Variants in RPLP0 observed in about 807,000 individuals in gnomAD.
RPLP0 encodes ribosomal protein lateral stalk subunit P0.
For missense variants in RPLP0, 276 were observed against 402.9 expected (o/e 0.69, Z 2.70); for synonymous variants, 137 against 153.4 (o/e 0.89, Z 0.79).
Position 120,197,313 on chromosome 12 carries a change from T to A in RPLP0, c.792+9A>T. On this transcript the variant is annotated intron_variant, in intron 7 of 7. Transcript: ENST00000392514. ...CAGGCCCACTGTGGTCCTGGTGGGA[T>A]CCTTTTACCTTTTCAGCAAGTGGGA... 1.2e-6 allele frequency: 2 copies of A among 1,613,534 alleles called. No individual in the cohort carries two copies. The highest frequency in any genetic ancestry group is 2.2e-5 in the South Asian group (2 of 91,056).
In RPLP0 at chr12:120,198,318, A is replaced by G; in HGVS notation, c.651+236T>C. 1 of 491,432 alleles carries G rather than the reference A, an allele frequency of 2.0e-6. No individual in the cohort carries two copies. The highest frequency in any genetic ancestry group is 3.7e-5 in the East Asian group (1 of 26,850). 30.4% of individuals were successfully genotyped at this position (491,432 alleles called of 1,614,324 possible). A position where few individuals can be genotyped will look rare whatever the true frequency, so the allele number is the denominator to read the frequency against. On this transcript the variant is annotated intron_variant, in intron 6 of 7. Coordinates refer to ENST00000392514, the MANE Select transcript of RPLP0 (RefSeq NM_001002.4). The surrounding 1 kb of genome is among the most constrained non-coding windows in gnomAD (Gnocchi z 4.1). ...GAGAATGGTGTGAACCCGGAGGCGGAGCTTGCAGTGAGCCGGGAGATTGTG... is the reference window on the plus strand; with the variant it reads ...GAGAATGGTGTGAACCCGGAGGCGGGGCTTGCAGTGAGCCGGGAGATTGTG...
rs1042778216 is a variant in RPLP0 at position 120,196,811 on chromosome 12, C to A, written c.916G>T (p.Glu306Ter). 1 of 1,598,988 alleles carries A rather than the reference C, an allele frequency of 6.3e-7. No homozygotes were observed. The highest frequency in any genetic ancestry group is 1.3e-5 in the African/African-American group (1 of 74,658). Residue 306 changes from glutamate to a stop codon, truncating the protein, a stop_gained, in exon 8 of 8, where the codon GAG (glutamate) becomes TAG (stop). Transcript: ENST00000392514. LOFTEE classifies it high-confidence loss of function. ...AKVEAKEESEESDEDMGFGLF... is the reference protein window; with the variant it reads ...AKVEAKEESE ...CCAAATCCCATATCCTCGTCCGACTCCTCCGACTCTTCCTTGGCTTCAACC... is the reference window on the plus strand; with the variant it reads ...CCAAATCCCATATCCTCGTCCGACTACTCCGACTCTTCCTTGGCTTCAACC...
At position 120,197,346 on chromosome 12, in the gene RPLP0, A is replaced by T. The variant is rs755595811; in HGVS notation, c.768T>A (p.Asp256Glu). 1 of 1,613,796 alleles carries T rather than the reference A, an allele frequency of 6.2e-7. No individual in the cohort carries two copies. Among genetic ancestry groups the T allele is most frequent in the African/African-American group, 1.3e-5 (1 of 74,918 alleles). ...CCTTTTCAGCAAGTGGGAAGGTGTA[A>T]TCCGTCTCCACAGACAAGGCCAGGA... ...KRVLALSVET[D>E]YTFPLAEKVK... The change falls in exon 7 of 8, where the codon GAT becomes GAA. Residue 256 changes from aspartate (D) to glutamate (E), a missense_variant. Physicochemically the swap from Asp to Glu is conservative, Grantham distance 45. Coordinates refer to ENST00000392514, the MANE Select transcript of RPLP0 (RefSeq NM_001002.4).
intron 2 of RPLP0, 157 bp from the exon 3 acceptor site, chr12:120,199,642 A>ATCATCCAGTTTGGC: frequency 1.5e-6 from 1 of 683,170 alleles, no homozygotes; most frequent in Non-Finnish European, 2.4e-6. Flanking sequence ...AACACTGCCA[A>ATCATCCAGTTTGGC]ACTGGATGAT....
At chr12:120,197,291 G>A in intron 7 of RPLP0, 31 bp downstream of exon 7, 1 of 1,599,524 alleles carries the variant, frequency 6.3e-7, no homozygotes, top group Non-Finnish European at 8.6e-7. Flanking sequence ...TCACAGTCAG[G>A]CCCACTGTGG....
chr12:120,199,005 C>G lies in RPLP0; in HGVS notation c.319-5G>C, dbSNP rs372511722. ...AGCACGGGCAGCAGCTGGCACCTGA[C>G]AAAGACAACAAACAGTGAGAAAAGC... is the stretch of plus-strand genomic sequence containing the variant. On this transcript the variant is annotated splice_region_variant and splice_polypyrimidine_tract_variant and intron_variant, in intron 4 of 7. Transcript: ENST00000392514. 6.2e-7 allele frequency: 1 copy of G among 1,613,992 alleles called. No individual in the cohort carries two copies. Among genetic ancestry groups the G allele is most frequent in the Non-Finnish European group, 8.5e-7 (1 of 1,180,006 alleles).
Position 120,198,055 on chromosome 12 carries a change from T to C in RPLP0, c.651+499A>G, listed in dbSNP as rs1396695114. Among the ~76,000 whole-genome samples the C allele has an allele frequency of 1.3e-5, 2 of 151,938 alleles. No individual in the cohort carries two copies. The highest frequency in any genetic ancestry group is 2.9e-5 in the Non-Finnish European group (2 of 67,992). On this transcript the variant is annotated intron_variant, in intron 6 of 7. Transcript: ENST00000392514. The surrounding 1 kb of genome is among the most constrained non-coding windows in gnomAD (Gnocchi z 4.1). ...TTTGATGGCAAAATGTGAGTCTCAA[T>C]GCAGGCCCTAGAATAACAGCCCCAG... is the stretch of plus-strand genomic sequence containing the variant.
At chr12:120,200,709 G>A (rs1325766307) in intron 2 of RPLP0, 21 bp downstream of exon 2, 4 of 1,605,626 alleles carry the variant, frequency 2.5e-6, no homozygotes, top group East Asian at 2.2e-5. Flanking sequence ...GAAGAGCAGA[G>A]GCGACCCACC....
In RPLP0 at chr12:120,196,735, T is replaced by A. The variant is rs1879195325; in HGVS notation, c.*38A>T. The A allele has an allele frequency of 6.5e-7, 1 of 1,526,856 alleles. No individual in the cohort carries two copies. Among genetic ancestry groups the A allele is most frequent in the Non-Finnish European group, 8.8e-7 (1 of 1,136,518 alleles). 94.6% of individuals were successfully genotyped at this position (1,526,856 alleles called of 1,614,324 possible). A position where few individuals can be genotyped will look rare whatever the true frequency, so the allele number is the denominator to read the frequency against. On this transcript the variant is annotated 3_prime_UTR_variant, in exon 8 of 8. Coordinates refer to ENST00000392514, the MANE Select transcript of RPLP0 (RefSeq NM_001002.4). Reference sequence around the variant, plus strand: ...GAAGTAAGCCTTTATTTCCTTGTTTTGCAAATAAAACTGGCTAAGTTGGTT... The same window carrying A: ...GAAGTAAGCCTTTATTTCCTTGTTTAGCAAATAAAACTGGCTAAGTTGGTT...
In RPLP0 at chr12:120,196,917, A is replaced by G; in HGVS notation, c.810T>C (p.Ala270=). The change falls in exon 8 of 8, where the codon GCT becomes GCC. Residue 270 remains alanine, a synonymous_variant. Coordinates refer to ENST00000392514, the MANE Select transcript of RPLP0 (RefSeq NM_001002.4). ...CAGCAGCCACAAAGGCAGATGGATC[A>G]GCCAAGAAGGCCTTGACCTGAAAGG... ...PLAEKVKAFL[A]DPSAFVAAAP... is the part of the protein sequence containing the mutation. 6.2e-7 allele frequency: 1 copy of G among 1,613,374 alleles called. No homozygotes were observed. Among genetic ancestry groups the G allele is most frequent in the Non-Finnish European group, 8.5e-7 (1 of 1,180,000 alleles).
intron 2 of RPLP0, chr12:120,199,905 C>A: frequency 5.0e-6 from 2 of 402,350 alleles, no homozygotes; most frequent in South Asian, 3.5e-5. Context: ...GCGTGTTTAT[C>A]CGGATTGTTA....
In RPLP0 at chr12:120,198,442, G is replaced by T. The variant is rs1879271037; in HGVS notation, c.651+112C>A. 3 of 1,087,666 alleles carry T rather than the reference G, an allele frequency of 2.8e-6. No individual in the cohort carries two copies. Among genetic ancestry groups the T allele is most frequent in the Non-Finnish European group, 2.7e-6 (2 of 733,232 alleles). 67.4% of individuals were successfully genotyped at this position (1,087,666 alleles called of 1,614,324 possible). On this transcript the variant is annotated intron_variant, in intron 6 of 7. Transcript: ENST00000392514. This position sits in a 1 kb window ranked among gnomAD's most constrained non-coding sequence, Gnocchi z 4.1. ...CTTATGTTGTTACTGACATTTTACA[G>T]ATGAGGTAGGTAGACAGATGAAAAC... is the stretch of plus-strand genomic sequence containing the variant.
chr12:120,197,584 G>A (rs1415088837), intron 6 of RPLP0, 122 bp from the exon 7 acceptor site: 2 of 1,171,848 alleles, frequency 1.7e-6, no homozygotes, highest in South Asian at 1.4e-5. Flanking sequence ...AGTCTCAAGA[G>A]AGGCCATTTC....
rs1879289417 is a variant in RPLP0 at position 120,198,856 on chromosome 12, G to A, written c.463C>T (p.Leu155=). The A allele has an allele frequency of 1.2e-6, 2 of 1,614,120 alleles. No individual in the cohort carries two copies. The highest frequency in any genetic ancestry group is 8.5e-7 in the Non-Finnish European group (1 of 1,179,994). The part of the protein sequence containing the change: ...TKISRGTIEI[L]SDVQLIKTGD... ...ACAGGCAAACCAGGTCCACTCACCAGGATTTCAATGGTGCCCCTGGAGATT... is the reference window on the plus strand; with the variant it reads ...ACAGGCAAACCAGGTCCACTCACCAAGATTTCAATGGTGCCCCTGGAGATT... The change falls in exon 5 of 8, where the codon CTG becomes TTG. Residue 155 remains leucine (L), a splice_region_variant and synonymous_variant. Transcript: ENST00000392514. The surrounding 1 kb of genome is among the most constrained non-coding windows in gnomAD (Gnocchi z 4.1).
At position 120,198,454 on chromosome 12, in the gene RPLP0, A is replaced by T; in HGVS notation, c.651+100T>A. On this transcript the variant is annotated intron_variant, in intron 6 of 7. Transcript: ENST00000392514. The surrounding 1 kb of genome is among the most constrained non-coding windows in gnomAD (Gnocchi z 4.1). ...CTGACATTTTACAGATGAGGTAGGT[A>T]GACAGATGAAAACACAGTCCTTGGT... 8.0e-7 allele frequency: 1 copy of T among 1,246,934 alleles called. No individual in the cohort carries two copies. Among genetic ancestry groups the T allele is most frequent in the Non-Finnish European group, 1.2e-6 (1 of 860,296 alleles). The allele number at this position is 1,246,934 out of a possible 1,614,324, so 77.2% of individuals were successfully genotyped here. A position where few individuals can be genotyped will look rare whatever the true frequency, so the allele number is the denominator to read the frequency against.
At position 120,197,124 on chromosome 12, in the gene RPLP0, C is replaced by A. The variant is rs558938908; in HGVS notation, c.793-190G>T. The A allele has an allele frequency of 1.1e-5, 12 of 1,058,366 alleles. No homozygotes were observed. In the South Asian group the frequency reaches 1.8e-4, roughly 16 times the overall value. 65.6% of individuals were successfully genotyped at this position (1,058,366 alleles called of 1,614,324 possible). ...CAGGGTTCCTAAGGCCCAGCTCTTGCCCATTAACCCCCTCTTTGGGTCTCT... is the reference window on the plus strand; with the variant it reads ...CAGGGTTCCTAAGGCCCAGCTCTTGACCATTAACCCCCTCTTTGGGTCTCT... On this transcript the variant is annotated intron_variant, in intron 7 of 7. Transcript: ENST00000392514.
intron 7 of RPLP0, 174 bp from the exon 8 acceptor site, chr12:120,197,108 TA>T: frequency 8.4e-7 from 1 of 1,184,008 alleles, no homozygotes; most frequent in Non-Finnish European, 1.2e-6. Context: ...GCAGGGTTCC[TA>T]AGGCCCAGCT....
intron 2 of RPLP0, chr12:120,200,136 T>C (rs1382289933): frequency 6.6e-6 from 3 of 455,890 alleles, no homozygotes; most frequent in Non-Finnish European, 1.3e-5. Context: ...CAATGAGTCA[T>C]TCCTGACCTC....
Position 120,198,339 on chromosome 12 carries a change from T to C in RPLP0, c.651+215A>G, listed in dbSNP as rs1438572226. 2 of 538,892 alleles carry C rather than the reference T, an allele frequency of 3.7e-6. No homozygotes were observed. The allele number at this position is 538,892 out of a possible 1,614,324, so 33.4% of individuals were successfully genotyped here. A position where few individuals can be genotyped will look rare whatever the true frequency, so the allele number is the denominator to read the frequency against. On this transcript the variant is annotated intron_variant, in intron 6 of 7. Coordinates refer to ENST00000392514, the MANE Select transcript of RPLP0 (RefSeq NM_001002.4). This position sits in a 1 kb window ranked among gnomAD's most constrained non-coding sequence, Gnocchi z 4.1. ...GCGGAGCTTGCAGTGAGCCGGGAGA[T>C]TGTGCCACTGCACTCCAGCCTGGGC...
Sources: allele counts gnomAD v4.1 joint callset (sites outside exome capture counted in the v4.1 genomes callset), GRCh38; gene constraint gnomAD v4.1.1; non-coding constraint Gnocchi (gnomAD v3.1); transcripts MANE v1.5; gene names NCBI Gene and HGNC (gene_info 2026-07-23, HGNC 2026-07-21).